Variants in TREH observed in about 807,000 individuals in gnomAD.
TREH encodes the protein alpha,alpha-trehalose glucohydrolase.
TREH carries 69 observed loss-of-function variants against 80.5 expected under a neutral mutation model. The ratio of observed to expected loss-of-function variants is 0.86; its 90% CI spans 0.71 to 1.05. The LOEUF (loss-of-function observed/expected upper bound fraction) is 1.05, where lower values mean the gene tolerates loss of function less well. TREH is among the 50% of genes least tolerant of loss of function. The pLI, the probability that TREH is intolerant of heterozygous loss-of-function variation, is 0.00. For synonymous variants in TREH, 309 were observed against 293.5 expected, an observed-to-expected ratio of 1.05 and a Z score of -0.54; for missense variants, 716 against 718.8, an observed-to-expected ratio of 1.00 and a Z score of 0.04.
rs781892997 is a variant in TREH, at chr11:118,659,150, A to G, written c.1433-133T>C. 319 of 1,019,102 alleles carry G rather than the reference A, an allele frequency of 3.1e-4. 1 individual carries two copies. Among genetic ancestry groups the G allele is most frequent in the Non-Finnish European group, 3.4e-4 (233 of 685,280 alleles). 63.1% of individuals were successfully genotyped at this position (1,019,102 alleles called of 1,614,324 possible). On this transcript the variant is annotated intron_variant, in intron 12 of 14. Transcript: ENST00000264029. Reference sequence around the variant, plus strand: ...CTTCCTTCCTGAGACCACAGGCCAAACTGCCCTTAATCGACGGCCCTGGTT... The same window carrying G: ...CTTCCTTCCTGAGACCACAGGCCAAGCTGCCCTTAATCGACGGCCCTGGTT...
intron 1 of TREH, among the ~76,000 whole-genome samples, chr11:118,666,892 T>A (rs1179795337): frequency 6.6e-6 from 1 of 151,394 alleles, no homozygotes; most frequent in Non-Finnish European, 1.5e-5. Flanking sequence ...ATTATTTTTA[T>A]TTTTTTTTAG....
chr11:118,662,992 G>A, intron 3 of TREH, 24 bp from the exon 4 acceptor site: 14 of 1,610,536 alleles, frequency 8.7e-6, no homozygotes, highest in Non-Finnish European at 1.1e-5. Flanking sequence ...GGCCCCACAG[G>A]GTTCAAGGAG....
rs540859772 is a variant in TREH at position 118,659,165 on chromosome 11, C to T, written c.1433-148G>A. 1.7e-4 allele frequency: 164 copies of T among 963,786 alleles called. 1 individual carries two copies. In the South Asian group the frequency reaches 2.3e-3, roughly 13 times the overall value. The allele number at this position is 963,786 out of a possible 1,614,324, so 59.7% of individuals were successfully genotyped here. A position where few individuals can be genotyped will look rare whatever the true frequency, so the allele number is the denominator to read the frequency against. ...CACAGGCCAAACTGCCCTTAATCGA[C>T]GGCCCTGGTTTGAAGGGCGAACAGG... is the stretch of plus-strand genomic sequence containing the variant. On this transcript the variant is annotated intron_variant, in intron 12 of 14. Transcript: ENST00000264029.
chr11:118,658,835 A>T (rs1949262614), intron 13 of TREH, 70 bp downstream of exon 13: 3 of 1,608,364 alleles, frequency 1.9e-6, no homozygotes, highest in Non-Finnish European at 2.6e-6. Flanking sequence ...CCTGCCCAGC[A>T]GCCCCTGCAG....
At chr11:118,659,306 A>G (rs1591827209) in intron 12 of TREH, 64 bp downstream of exon 12, 3 of 1,342,564 alleles carry the variant, frequency 2.2e-6, no homozygotes, top group Non-Finnish European at 3.0e-6. Context: ...CCTCCCCAGC[A>G]CCAGGGAGGC....
chr11:118,676,603 C>T (rs1949481326), intron 1 of TREH, among the ~76,000 whole-genome samples: 1 of 151,922 alleles, frequency 6.6e-6, no homozygotes, highest in Non-Finnish European at 1.5e-5. Context: ...CCCGTCTCTA[C>T]TAAAAATACA....
intron 1 of TREH, among the ~76,000 whole-genome samples, chr11:118,664,910 A>G (rs1949362654): frequency 6.6e-6 from 1 of 151,740 alleles, no homozygotes; most frequent in African/African-American, 2.4e-5. Flanking sequence ...GGAGTTCGAG[A>G]CCAACCTGGG....
chr11:118,661,576 A>C lies in TREH; in HGVS notation c.617+61T>G. 1.2e-6 allele frequency: 2 copies of C among 1,612,726 alleles called. No homozygotes were observed. Among genetic ancestry groups the C allele is most frequent in the Non-Finnish European group, 8.5e-7 (1 of 1,178,978 alleles). The stretch of plus-strand genomic sequence containing the variant: ...ACTGGCACCAAGGCAATCCAGCTGC[A>C]TGCCCGTGGCACACCTGCCTCTCCT... On this transcript the variant is annotated intron_variant, in intron 6 of 14. Coordinates refer to ENST00000264029, the MANE Select transcript of TREH (RefSeq NM_007180.3). The surrounding 1 kb of genome is among the most constrained non-coding windows in gnomAD (Gnocchi z 4.2).
intron 1 of TREH, among the ~76,000 whole-genome samples, chr11:118,678,203 G>T (rs1384230623): frequency 6.6e-6 from 1 of 152,056 alleles, no homozygotes; most frequent in Non-Finnish European, 1.5e-5. Context: ...TCCCAGATCA[G>T]CTCAGCAATG....
rs2099470071 is a variant in TREH, at chr11:118,659,622, G to A, written c.1320+125C>T. 1.3e-5 allele frequency: 18 copies of A among 1,380,286 alleles called. No individual in the cohort carries two copies. The Middle Eastern group carries it at 1.0e-3, about 78-fold the overall frequency. 85.5% of individuals were successfully genotyped at this position (1,380,286 alleles called of 1,614,324 possible). On this transcript the variant is annotated intron_variant, in intron 11 of 14. Transcript: ENST00000264029. The stretch of plus-strand genomic sequence containing the variant: ...TCACAGCTGCCCCCCGGTGGCTCTG[G>A]TGGGACCCGCAGGCTGGGACAAGGG...
chr11:118,658,416 A>G lies in TREH; in HGVS notation c.1625T>C (p.Val542Ala). 1 of 1,611,282 alleles carries G rather than the reference A, an allele frequency of 6.2e-7. No individual in the cohort carries two copies. Among genetic ancestry groups the G allele is most frequent in the Non-Finnish European group, 8.5e-7 (1 of 1,179,420 alleles). ...ATAGCGGTCCAGCAGCATCAGGACC[A>G]CGCCATTCGTCCAGCCAAATCCCTC... Reference protein sequence around the residue: ...VQEGFGWTNGVVLMLLDRYGD... With the variant: ...VQEGFGWTNGAVLMLLDRYGD... Residue 542 changes from valine to alanine, a missense_variant, in exon 15 of 15, where the codon GTG becomes GCG. Coordinates refer to ENST00000264029, the MANE Select transcript of TREH (RefSeq NM_007180.3).
At position 118,663,427 on chromosome 11, in the gene TREH, G is replaced by T; in HGVS notation, c.102C>A (p.Cys34Ter). The T allele has an allele frequency of 6.3e-7, 1 of 1,581,384 alleles. No homozygotes were observed. The highest frequency in any genetic ancestry group is 8.6e-7 in the Non-Finnish European group (1 of 1,164,512). ...LPPPCESEIY[C>*]HGELLNQVQM... ...GAACTTGGTTTAGGAGCTCCCCGTGGCAGTAAATCTCACTGCAGAGACAGG... is the reference window on the plus strand; with the variant it reads ...GAACTTGGTTTAGGAGCTCCCCGTGTCAGTAAATCTCACTGCAGAGACAGG... The change falls in exon 2 of 15, where the codon TGC becomes TGA. Residue 34 changes from cysteine (C) to a stop codon, truncating the protein, a stop_gained. Coordinates refer to ENST00000264029, the MANE Select transcript of TREH (RefSeq NM_007180.3). LOFTEE classifies it high-confidence loss of function.
In TREH at chr11:118,658,442, C is replaced by T; in HGVS notation, c.1600-1G>A. The T allele has an allele frequency of 1.2e-6, 2 of 1,610,774 alleles. No homozygotes were observed. The highest frequency in any genetic ancestry group is 1.7e-6 in the Non-Finnish European group (2 of 1,179,242). On this transcript the variant is annotated splice_acceptor_variant, in intron 14 of 14. Transcript: ENST00000264029. LOFTEE classifies it high-confidence loss of function. Reference sequence around the variant, plus strand: ...CGCCATTCGTCCAGCCAAATCCCTCCTGGGAGAGGCAGGGCAGTGGGGCCA... The same window carrying T: ...CGCCATTCGTCCAGCCAAATCCCTCTTGGGAGAGGCAGGGCAGTGGGGCCA...
In TREH at chr11:118,679,642, T is replaced by C; in HGVS notation, c.-15A>G. The C allele has an allele frequency of 6.8e-7, 1 of 1,477,134 alleles. No individual in the cohort carries two copies. The highest frequency in any genetic ancestry group is 2.4e-5 in the Admixed American group (1 of 41,990). 91.5% of individuals were successfully genotyped at this position (1,477,134 alleles called of 1,614,324 possible). On this transcript the variant is annotated 5_prime_UTR_variant, in exon 1 of 15. Transcript: ENST00000264029. ...CTCCCTGGCATGGTGGCTGTGACTG[T>C]GACTGAATGAGCAAGCCCAGGCACC...
In TREH at chr11:118,663,343, A is replaced by G. The variant is rs1411159630; in HGVS notation, c.186T>C (p.Ala62=). ...GTTCAGCCCTAGGTGCTTCACCTGG[A>G]GCTATAGACAGTGGCATGTCCACAA... is the stretch of plus-strand genomic sequence containing the variant. ...KQFVDMPLSI[A]PEQVLQTFTE... The change falls in exon 2 of 15, where the codon GCT becomes GCC. Residue 62 remains alanine, a synonymous_variant. Coordinates refer to ENST00000264029, the MANE Select transcript of TREH (RefSeq NM_007180.3). 3 of 1,587,756 alleles carry G rather than the reference A, an allele frequency of 1.9e-6. No homozygotes were observed. The highest frequency in any genetic ancestry group is 2.7e-5 in the African/African-American group (2 of 74,462).
At chr11:118,675,549 A>ATTC (rs1258931741) in intron 1 of TREH, among the ~76,000 whole-genome samples, 5 of 152,202 alleles carry the variant, frequency 3.3e-5, no homozygotes, top group Non-Finnish European at 5.9e-5. Flanking sequence ...TATTATAAGA[A>ATTC]TACAAGCCAG....
At position 118,661,487 on chromosome 11, in the gene TREH, C is replaced by T. The variant is rs1555144958; in HGVS notation, c.640G>A (p.Gly214Arg). ...VKTYGHVPNG[G>R]RVYYLQRSQP... ...CTCCGCTGCAGGTAGTACACGCGCC[C>T]ACCATTGGGGACATGCCCATAGCTG... The change falls in exon 7 of 15, where the codon GGG becomes AGG. Residue 214 changes from glycine to arginine, a missense_variant. By Grantham distance (125) the Gly-to-Arg change is moderately radical. Transcript: ENST00000264029. This position sits in a 1 kb window ranked among gnomAD's most constrained non-coding sequence, Gnocchi z 4.2. The T allele has an allele frequency of 1.9e-6, 3 of 1,613,694 alleles. No homozygotes were observed. The highest frequency in any genetic ancestry group is 2.5e-6 in the Non-Finnish European group (3 of 1,179,766).
intron 10 of TREH, among the ~76,000 whole-genome samples, chr11:118,660,178 C>T (rs1223255587): frequency 6.6e-6 from 1 of 152,206 alleles, no homozygotes; most frequent in Non-Finnish European, 1.5e-5. Flanking sequence ...GATCTGTCCC[C>T]AGGGTCTCCA....
intron 1 of TREH, among the ~76,000 whole-genome samples, chr11:118,676,799 CAA>C (rs1949485170): frequency 6.7e-6 from 1 of 150,080 alleles, no homozygotes; most frequent in Non-Finnish European, 1.5e-5. Context: ...AAAACAACAA[CAA>C]AAAAACACTA....
Sources: gnomAD v4.1 joint callset for allele counts (sites outside exome capture counted in the v4.1 genomes callset) on GRCh38, gnomAD v4.1.1 for gene constraint, Gnocchi (gnomAD v3.1) non-coding constraint, MANE v1.5 for transcripts, NCBI Gene and HGNC (gene_info 2026-07-23, HGNC 2026-07-21) for gene names.